Variants in ZNF438 observed in about 807,000 individuals in gnomAD.
ZNF438 encodes zinc finger protein 438.
A neutral mutation model predicts 38.0 loss-of-function variants in ZNF438; 25 were observed. The observed-to-expected ratio is 0.66, with a 90% CI of 0.48 to 0.92. The LOEUF is 0.92. ZNF438 is among the 40% of genes least tolerant of loss of function. The pLI, the probability that ZNF438 is intolerant of heterozygous loss-of-function variation, is 0.00. For synonymous variants in ZNF438, 372 were observed against 364.1 expected, an observed-to-expected ratio of 1.02 and a Z score of -0.25; for missense variants, 1,007 against 999.6, an observed-to-expected ratio of 1.01 and a Z score of -0.10.
rs200420838 is a variant in ZNF438, at chr10:30,961,533, T to A, written c.-191-19882A>T. On this transcript the variant is annotated intron_variant, in intron 1 of 5. Coordinates refer to ENST00000413025, the Ensembl canonical transcript of ZNF438. ...TTGTATAATCGCATTTTATTTTTTTTAAACAAAAAGTGCTAAATTTTAAAT... is the reference window on the plus strand; with the variant it reads ...TTGTATAATCGCATTTTATTTTTTTAAAACAAAAAGTGCTAAATTTTAAAT... 6.2e-5 allele frequency among the ~76,000 whole-genome samples: 9 copies of A among 146,188 alleles called. No individual in the cohort carries two copies. In the East Asian group the frequency reaches 1.2e-3, roughly 19 times the overall value.
chr10:30,946,359 T>C (rs2047409246), intron 1 of ZNF438, among the ~76,000 whole-genome samples: 1 of 152,116 alleles, frequency 6.6e-6, no homozygotes. Context: ...CTAATTAAAC[T>C]AAACAGCTTC....
At chr10:30,909,367 T>C (rs1367384354) in intron 2 of ZNF438, among the ~76,000 whole-genome samples, 1 of 152,176 alleles carries the variant, frequency 6.6e-6, no homozygotes, top group African/African-American at 2.4e-5. Context: ...TATGGAATCA[T>C]GGCCATTTTT....
intron 4 of ZNF438, among the ~76,000 whole-genome samples, chr10:30,860,699 T>G (rs921475622): frequency 2.6e-5 from 4 of 152,204 alleles, no homozygotes; most frequent in African/African-American, 9.6e-5. Context: ...GTTGATAAAG[T>G]GCTAATTGGA....
At chr10:30,944,854 T>A (rs907161356) in intron 1 of ZNF438, among the ~76,000 whole-genome samples, 1 of 152,238 alleles carries the variant, frequency 6.6e-6, no homozygotes, top group African/African-American at 2.4e-5. Context: ...ACAAAATTGT[T>A]CATCATATTT....
chr10:30,873,345 G>T (rs181289901), intron 4 of ZNF438, among the ~76,000 whole-genome samples: 8 of 152,242 alleles, frequency 5.3e-5, no homozygotes, highest in Middle Eastern at 3.4e-3. Context: ...ATAACTTATC[G>T]TTAGAGTGAC....
intron 1 of ZNF438, among the ~76,000 whole-genome samples, chr10:30,948,981 T>C (rs2047803796): frequency 6.6e-6 from 1 of 151,934 alleles, no homozygotes; most frequent in South Asian, 2.1e-4. Flanking sequence ...AAGGAAAAAA[T>C]GTTAACGGCA....
chr10:30,896,979 G>A (rs1460942455), intron 3 of ZNF438, among the ~76,000 whole-genome samples: 1 of 152,094 alleles, frequency 6.6e-6, no homozygotes, highest in Non-Finnish European at 1.5e-5. Flanking sequence ...TTTACTGGAA[G>A]CATACTTGAC....
intron 1 of ZNF438, among the ~76,000 whole-genome samples, chr10:30,970,520 A>C (rs1354644878): frequency 6.6e-6 from 1 of 152,224 alleles, no homozygotes; most frequent in Non-Finnish European, 1.5e-5. Context: ...GCTCAGACTT[A>C]AAACTCTCTG....
intron 1 of ZNF438, among the ~76,000 whole-genome samples, chr10:31,020,357 A>G (rs2056501544): frequency 6.6e-6 from 1 of 152,180 alleles, no homozygotes; most frequent in Non-Finnish European, 1.5e-5. Context: ...GTTTTTAAAG[A>G]AAAAAAGGAC....
intron 1 of ZNF438, among the ~76,000 whole-genome samples, chr10:31,019,668 A>T (rs915900837): frequency 6.6e-6 from 1 of 152,256 alleles, no homozygotes; most frequent in Admixed American, 6.5e-5. Flanking sequence ...ACAGAAAGTG[A>T]AGTTAAGTTT....
chr10:30,848,808 G>C (rs367715693), exon 5 of ZNF438: 1 of 1,614,240 alleles, frequency 6.2e-7, no homozygotes, highest in South Asian at 1.1e-5. Flanking sequence ...CTGTAAGGGC[G>C]TCTGTTGGTG....
chr10:30,844,786 C>T (rs144150254), exon 6 of ZNF438: 14 of 794,522 alleles, frequency 1.8e-5, no homozygotes, highest in South Asian at 9.9e-5. Context: ...AAATATGCTT[C>T]GAGAGCTTAT....
chr10:30,844,986 T>G, exon 6 of ZNF438: 1 of 1,613,924 alleles, frequency 6.2e-7, no homozygotes, highest in Non-Finnish European at 8.5e-7. Context: ...ACTGGAAAGT[T>G]CGATCACTCC....
At chr10:30,935,179 A>C (rs2046112079) in intron 2 of ZNF438, among the ~76,000 whole-genome samples, 1 of 152,252 alleles carries the variant, frequency 6.6e-6, no homozygotes, top group Non-Finnish European at 1.5e-5. Flanking sequence ...CAGATGAGGA[A>C]ACTCAAGCTC....
At chr10:30,899,250 A>G (rs1294751497) in intron 3 of ZNF438, among the ~76,000 whole-genome samples, 1 of 152,210 alleles carries the variant, frequency 6.6e-6, no homozygotes, top group Non-Finnish European at 1.5e-5. Context: ...GAGTTACAAG[A>G]TTTTGTAGAT....
At chr10:30,871,590 CCTTA>C (rs752641637) in intron 4 of ZNF438, among the ~76,000 whole-genome samples, 7 of 152,248 alleles carry the variant, frequency 4.6e-5, no homozygotes, top group Non-Finnish European at 5.9e-5. Flanking sequence ...CCTAAGTATG[CCTTA>C]CTTGAGTTCT....
In ZNF438 at chr10:30,961,399, G is replaced by A. The variant is rs554226829; in HGVS notation, c.-191-19748C>T. 2.3e-4 allele frequency among the ~76,000 whole-genome samples: 34 copies of A among 146,622 alleles called. 3 individuals are homozygous for A. Among genetic ancestry groups the A allele is most frequent in the Admixed American group, 1.2e-3 (18 of 14,626 alleles). The stretch of plus-strand genomic sequence containing the variant: ...TAGCCATGAACTCCTGGGCTCAGGC[G>A]ATCCTTCCGCCCCAGCCTCCTGAGT... On this transcript the variant is annotated intron_variant, in intron 1 of 5. Transcript: ENST00000413025.
At position 31,030,926 on chromosome 10, in the gene ZNF438, T is replaced by G. The variant is rs996165337; in HGVS notation, c.-192+907A>C. Among the ~76,000 whole-genome samples the G allele has an allele frequency of 7.9e-5, 12 of 152,376 alleles. 1 individual carries two copies. In the South Asian group the frequency reaches 2.5e-3, roughly 32 times the overall value. ...ATCCTTAAAACTCAGTGAGTCTGTG[T>G]TGTCTATAATGTGCTAGTTCCAGCA... On this transcript the variant is annotated intron_variant, in intron 1 of 5. Coordinates refer to ENST00000413025, the Ensembl canonical transcript of ZNF438.
rs192295590 is a variant in ZNF438, at chr10:30,879,704, C to T, written c.-31-2639G>A. Reference sequence around the variant, plus strand: ...AATATACTGCATGAAATTAATGGCACATTAGACACGTCAGAAGAAAATATT... The same window carrying T: ...AATATACTGCATGAAATTAATGGCATATTAGACACGTCAGAAGAAAATATT... On this transcript the variant is annotated intron_variant, in intron 3 of 5. Transcript: ENST00000413025. Among the ~76,000 whole-genome samples, 690 of 152,078 alleles carry T rather than the reference C, an allele frequency of 4.5e-3. 6 individuals are homozygous for T. The highest frequency in any genetic ancestry group is 4.6e-3 in the Non-Finnish European group (311 of 67,990).
Sources: allele counts gnomAD v4.1 joint callset (sites outside exome capture counted in the v4.1 genomes callset), GRCh38; gene constraint gnomAD v4.1.1; transcripts MANE v1.5; gene names NCBI Gene and HGNC (gene_info 2026-07-23, HGNC 2026-07-21).